The following CFAP20DC variants were observed in gnomAD, a reference collection of about 807,000 sequenced individuals.
The protein encoded by CFAP20DC is CFAP20 domain containing.
A neutral mutation model predicts 101.7 loss-of-function variants in CFAP20DC; 84 were observed. That is an observed-to-expected ratio of 0.83 (90% CI 0.69 to 0.99). The LOEUF (loss-of-function observed/expected upper bound fraction) is 0.99. CFAP20DC is among the 50% of genes least tolerant of loss of function. The pLI, the probability that CFAP20DC is intolerant of heterozygous loss-of-function variation, is 0.00. For synonymous variants in CFAP20DC, 359 were observed against 351.2 expected, an observed-to-expected ratio of 1.02 and a Z score of -0.25; for missense variants, 1,007 against 970.3, an observed-to-expected ratio of 1.04 and a Z score of -0.50.
intron 6 of CFAP20DC, among the ~76,000 whole-genome samples, chr3:58,898,298 C>T (rs1489274680): frequency 6.6e-6 from 1 of 151,968 alleles, no homozygotes; most frequent in Non-Finnish European, 1.5e-5. Context: ...CCTTAGCCTC[C>T]CAAGTAACTG....
chr3:58,773,017 CT>C (rs577204500), intron 15 of CFAP20DC, among the ~76,000 whole-genome samples: 87 of 145,968 alleles, frequency 6.0e-4, no homozygotes, highest in Middle Eastern at 3.5e-3. Flanking sequence ...TTTTTTACTC[CT>C]TTTTTTTTTT....
intron 6 of CFAP20DC, among the ~76,000 whole-genome samples, chr3:58,905,943 G>A (rs1450487997): frequency 6.6e-6 from 1 of 152,144 alleles, no homozygotes; most frequent in Non-Finnish European, 1.5e-5. Context: ...ACCAGCACAT[G>A]AGAAGCAGCA....
intron 16 of CFAP20DC, among the ~76,000 whole-genome samples, chr3:58,751,084 C>T (rs1192947818): frequency 7.3e-6 from 1 of 136,240 alleles, no homozygotes; most frequent in Non-Finnish European, 1.6e-5. Context: ...AACCTCCTTT[C>T]CTCCCTTTAT....
At position 58,954,007 on chromosome 3, in the gene CFAP20DC, C is replaced by T. The variant is rs911380151; in HGVS notation, c.279-16245G>A. Among the ~76,000 whole-genome samples the T allele has an allele frequency of 4.6e-5, 7 of 152,226 alleles. No homozygotes were observed. The East Asian group carries it at 5.8e-4, about 13-fold the overall frequency. On this transcript the variant is annotated intron_variant, in intron 4 of 16. Coordinates refer to ENST00000482387, the MANE Select transcript of CFAP20DC (RefSeq NM_001394063.1). The stretch of plus-strand genomic sequence containing the variant: ...TGTTGAGAGAAAATGGGGTAGTTGA[C>T]GGGAAAATCAACCTCATTTATAATA...
intron 5 of CFAP20DC, among the ~76,000 whole-genome samples, chr3:58,927,847 A>C (rs2086153035): frequency 6.6e-6 from 1 of 152,140 alleles, no homozygotes; most frequent in African/African-American, 2.4e-5. Context: ...CCTAAAACAC[A>C]ACTCAGCTTT....
chr3:58,833,072 G>A (rs1444503521), intron 13 of CFAP20DC, among the ~76,000 whole-genome samples: 2 of 152,044 alleles, frequency 1.3e-5, no homozygotes, highest in Non-Finnish European at 2.9e-5. Flanking sequence ...CCTCATAGGA[G>A]TGTAAAAAAT....
intron 15 of CFAP20DC, among the ~76,000 whole-genome samples, chr3:58,757,959 CA>C (rs1457497412): frequency 2.6e-5 from 4 of 151,958 alleles, no homozygotes; most frequent in Non-Finnish European, 5.9e-5. Context: ...CAAAATCAAC[CA>C]GGACTTTTCT....
chr3:58,855,060 T>C (rs1476013608), intron 12 of CFAP20DC, among the ~76,000 whole-genome samples: 3 of 147,134 alleles, frequency 2.0e-5, no homozygotes, highest in African/African-American at 7.6e-5. Flanking sequence ...ACCTACAAAA[T>C]GGGAGAAAAT....
Position 58,865,105 on chromosome 3 carries a change from CT to C in CFAP20DC, c.1259-1214del, listed in dbSNP as rs533340064. ...ATGTAGTCTTTTTTTTTTAAATTTGCTTTTTTTTTTTTTGCAGCTTATTTCA... is the reference window on the plus strand; with the variant it reads ...ATGTAGTCTTTTTTTTTTAAATTTGCTTTTTTTTTTTTGCAGCTTATTTCA... On this transcript the variant is annotated intron_variant, in intron 11 of 16. Coordinates refer to ENST00000482387, the MANE Select transcript of CFAP20DC (RefSeq NM_001394063.1). 4.7e-3 allele frequency among the ~76,000 whole-genome samples: 611 copies of C among 131,202 alleles called. 4 individuals carry two copies. The highest frequency in any genetic ancestry group is 0.016 in the Middle Eastern group (4 of 254). The allele number at this position is 131,202 out of a possible 152,430, so 86.1% of individuals were successfully genotyped here.
intron 4 of CFAP20DC, among the ~76,000 whole-genome samples, chr3:58,982,583 A>T (rs1231756147): frequency 2.0e-5 from 3 of 151,830 alleles, no homozygotes; most frequent in African/African-American, 7.3e-5. Flanking sequence ...GGAAACCATT[A>T]TTCTAAGCAA....
rs530222727 is a variant in CFAP20DC, at chr3:58,869,585, G to A, written c.853-95C>T. The A allele has an allele frequency of 2.1e-6, 2 of 975,162 alleles. No homozygotes were observed. The highest frequency in any genetic ancestry group is 2.9e-6 in the Non-Finnish European group (2 of 697,890). 60.4% of individuals were successfully genotyped at this position (975,162 alleles called of 1,614,324 possible). A position where few individuals can be genotyped will look rare whatever the true frequency, so the allele number is the denominator to read the frequency against. ...AAAACATAATATTTGGACCAATGAA[G>A]AGTGAGAAAAAAACTAGAGGAAATG... On this transcript the variant is annotated intron_variant, in intron 8 of 16. Transcript: ENST00000482387. The surrounding 1 kb of genome is among the most constrained non-coding windows in gnomAD (Gnocchi z 4.3).
At position 59,001,498 on chromosome 3, in the gene CFAP20DC, G is replaced by A. The variant is rs1378312240; in HGVS notation, c.278+38059C>T. ...CAGCCTCGATCTCACCCCAACCTCC[G>A]CCTCCCAGGTTCAAGTGATTCTCCT... On this transcript the variant is annotated intron_variant, in intron 4 of 16. Transcript: ENST00000482387. This position sits in a 1 kb window ranked among gnomAD's most constrained non-coding sequence, Gnocchi z 4.5. 2.0e-5 allele frequency among the ~76,000 whole-genome samples: 3 copies of A among 151,974 alleles called. No individual in the cohort carries two copies. Among genetic ancestry groups the A allele is most frequent in the Non-Finnish European group, 2.9e-5 (2 of 67,978 alleles).
At chr3:59,036,937 T>C (rs1156890757) in intron 4 of CFAP20DC, among the ~76,000 whole-genome samples, 3 of 151,998 alleles carry the variant, frequency 2.0e-5, no homozygotes, top group South Asian at 2.1e-4. Flanking sequence ...AACAGATATA[T>C]AGACCAATGG....
chr3:58,810,591 A>G (rs1220720976), intron 14 of CFAP20DC, among the ~76,000 whole-genome samples: 2 of 150,866 alleles, frequency 1.3e-5, no homozygotes, highest in African/African-American at 2.5e-5. Flanking sequence ...ACCCACAGCC[A>G]GTATCATACT....
At chr3:58,933,578 G>A (rs1442910881) in intron 5 of CFAP20DC, among the ~76,000 whole-genome samples, 1 of 152,110 alleles carries the variant, frequency 6.6e-6, no homozygotes, top group Non-Finnish European at 1.5e-5. Flanking sequence ...CTGTCTCTCA[G>A]ACCACAGTGA....
intron 6 of CFAP20DC, among the ~76,000 whole-genome samples, chr3:58,910,342 G>A (rs1166144060): frequency 6.6e-6 from 1 of 152,034 alleles, no homozygotes; most frequent in Non-Finnish European, 1.5e-5. Context: ...TTGAGGCCTT[G>A]TATCTTCATT....
At chr3:58,867,533 G>A (rs997600774) in intron 10 of CFAP20DC, among the ~76,000 whole-genome samples, 2 of 151,960 alleles carry the variant, frequency 1.3e-5, no homozygotes, top group African/African-American at 2.4e-5. Context: ...ATCACATTTG[G>A]GCCATTTTTT....
At chr3:58,959,031 C>T (rs1221447972) in intron 4 of CFAP20DC, among the ~76,000 whole-genome samples, 1 of 152,026 alleles carries the variant, frequency 6.6e-6, no homozygotes, top group East Asian at 1.9e-4. Context: ...CTTCACTAAC[C>T]CAGGGTCATA....
chr3:58,958,689 A>T (rs1284702807), intron 4 of CFAP20DC, among the ~76,000 whole-genome samples: 1 of 152,210 alleles, frequency 6.6e-6, no homozygotes, highest in Non-Finnish European at 1.5e-5. Flanking sequence ...GCTTTAATTT[A>T]CATTTCTTCA....
Sources: gnomAD v4.1 joint callset for allele counts (sites outside exome capture counted in the v4.1 genomes callset) on GRCh38, gnomAD v4.1.1 for gene constraint, Gnocchi (gnomAD v3.1) non-coding constraint, MANE v1.5 for transcripts, NCBI Gene and HGNC (gene_info 2026-07-23, HGNC 2026-07-21) for gene names.